Variants in NRG1 observed in about 807,000 individuals in gnomAD.
NRG1 encodes the protein neuregulin 1.
In NRG1, 18 loss-of-function variants were observed where a neutral mutation model predicts 63.8. The observed-to-expected ratio is 0.28, with a 90% confidence interval of 0.19 to 0.42. NRG1 has a LOEUF of 0.42. Ranked by LOEUF, NRG1 falls within the 10% of genes least tolerant of loss-of-function variation. NRG1 has a pLI of 1.00. For synonymous variants in NRG1, 302 were observed against 301.3 expected, an observed-to-expected ratio of 1.00 and a Z score of -0.02; for missense variants, 762 against 814.7, an observed-to-expected ratio of 0.94 and a Z score of 0.79.
intron 1 of NRG1, among the ~76,000 whole-genome samples, chr8:31,873,490 C>T (rs761406389): frequency 1.4e-4 from 22 of 152,052 alleles, no homozygotes; most frequent in Non-Finnish European, 2.9e-4. Context: ...ACCTGGGAGG[C>T]GGAGATTGCA....
intron 1 of NRG1, among the ~76,000 whole-genome samples, chr8:32,042,590 C>A (rs1820242931): frequency 6.6e-6 from 1 of 152,036 alleles, no homozygotes; most frequent in East Asian, 1.9e-4. Flanking sequence ...GATGACAGAT[C>A]TTGGAATTAC....
At chr8:31,791,681 T>G (rs1400233051) in intron 1 of NRG1, among the ~76,000 whole-genome samples, 1 of 152,180 alleles carries the variant, frequency 6.6e-6, no homozygotes, top group Non-Finnish European at 1.5e-5. Context: ...TTTCACCTGC[T>G]GCTGGATGTT....
chr8:32,647,170 C>G, intron 5 of NRG1: 1 of 985,328 alleles, frequency 1.0e-6, no homozygotes, highest in Non-Finnish European at 1.2e-6. Flanking sequence ...TGATTCAGCC[C>G]CTTTCAGCCG....
intron 1 of NRG1, among the ~76,000 whole-genome samples, chr8:32,409,819 C>T (rs1040749040): frequency 6.6e-6 from 1 of 152,158 alleles, no homozygotes. Context: ...CAGGAAAGCA[C>T]TAAGTGAGGA....
intron 1 of NRG1, among the ~76,000 whole-genome samples, chr8:31,825,068 A>T (rs1195600675): frequency 6.6e-6 from 1 of 152,240 alleles, no homozygotes; most frequent in Non-Finnish European, 1.5e-5. Context: ...CAAACTATTA[A>T]TTAAGGCATA....
At chr8:32,621,172 C>T (rs886770061) in intron 5 of NRG1, among the ~76,000 whole-genome samples, 1 of 152,020 alleles carries the variant, frequency 6.6e-6, no homozygotes, top group African/African-American at 2.4e-5. Context: ...TGGAAACTTC[C>T]ATTGTTCATT....
chr8:31,917,797 A>C (rs1242804710), intron 1 of NRG1, among the ~76,000 whole-genome samples: 1 of 152,190 alleles, frequency 6.6e-6, no homozygotes, highest in Non-Finnish European at 1.5e-5. Context: ...TACCTTGGGC[A>C]GTATGGCCAT....
chr8:32,189,317 A>G (rs978272639), intron 1 of NRG1, among the ~76,000 whole-genome samples: 1 of 152,092 alleles, frequency 6.6e-6, no homozygotes, highest in Non-Finnish European at 1.5e-5. Context: ...CCCACTTATA[A>G]GTGAGAACGT....
At chr8:31,966,292 T>C (rs898445294) in intron 1 of NRG1, among the ~76,000 whole-genome samples, 3 of 152,194 alleles carry the variant, frequency 2.0e-5, no homozygotes, top group African/African-American at 7.2e-5. Context: ...ACCACAAAGA[T>C]TCTGAGGGCC....
At chr8:32,052,271 GTTTTTTTTTTTTT>G (rs5890615) in intron 1 of NRG1, among the ~76,000 whole-genome samples, 11 of 91,408 alleles carry the variant, frequency 1.2e-4, no homozygotes, top group African/African-American at 3.9e-4. Flanking sequence ...CTTTCCTCCT[GTTTTTTTTTTTTT>G]TTTTTTTTTG....
intron 1 of NRG1, among the ~76,000 whole-genome samples, chr8:32,409,876 G>A (rs1199752298): frequency 6.6e-6 from 1 of 152,130 alleles, no homozygotes; most frequent in Non-Finnish European, 1.5e-5. Context: ...GAGATGCTCC[G>A]CAACCTTGCT....
At chr8:32,562,383 G>A (rs1444919187) in intron 1 of NRG1, among the ~76,000 whole-genome samples, 1 of 152,102 alleles carries the variant, frequency 6.6e-6, no homozygotes, top group East Asian at 1.9e-4. Flanking sequence ...AAGTAGCTGG[G>A]ACTACAGGCA....
At chr8:32,549,339 T>G (rs1833683002) in intron 1 of NRG1, among the ~76,000 whole-genome samples, 1 of 152,214 alleles carries the variant, frequency 6.6e-6, no homozygotes, top group African/African-American at 2.4e-5. Flanking sequence ...GGAAGTTAGC[T>G]TCGGCGTTTT....
chr8:32,326,210 A>G (rs1280871013), intron 1 of NRG1, among the ~76,000 whole-genome samples: 1 of 150,228 alleles, frequency 6.7e-6, no homozygotes, highest in Non-Finnish European at 1.5e-5. Flanking sequence ...GGGTTTCACC[A>G]TGTTGGTCAG....
chr8:32,695,497 G>A (rs1223853275), intron 5 of NRG1, among the ~76,000 whole-genome samples: 2 of 152,216 alleles, frequency 1.3e-5, no homozygotes, highest in African/African-American at 4.8e-5. Flanking sequence ...ACACAAATGA[G>A]TAAAATGCAA....
chr8:32,028,842 A>G (rs997413910), intron 1 of NRG1, among the ~76,000 whole-genome samples: 2 of 152,202 alleles, frequency 1.3e-5, no homozygotes, highest in African/African-American at 4.8e-5. Flanking sequence ...CTCACTTTCA[A>G]TTGATACATT....
chr8:31,968,301 C>G (rs1246897530), intron 1 of NRG1, among the ~76,000 whole-genome samples: 1 of 152,082 alleles, frequency 6.6e-6, no homozygotes, highest in Non-Finnish European at 1.5e-5. Context: ...GATTTAGCAA[C>G]CCAGAATGTC....
chr8:32,195,590 G>A (rs1842879513), intron 1 of NRG1, among the ~76,000 whole-genome samples: 1 of 152,130 alleles, frequency 6.6e-6, no homozygotes, highest in South Asian at 2.1e-4. Flanking sequence ...CACATTAGAG[G>A]CCAACAGTAT....
chr8:31,684,247 A>G (rs907220548), intron 1 of NRG1, among the ~76,000 whole-genome samples: 58 of 152,156 alleles, frequency 3.8e-4, no homozygotes, highest in African/African-American at 1.4e-3. Flanking sequence ...TCTCCAATGT[A>G]ACAGTATTAA....
Sources: allele counts gnomAD v4.1 joint callset (sites outside exome capture counted in the v4.1 genomes callset), GRCh38; gene constraint gnomAD v4.1.1; transcripts MANE v1.5; gene names NCBI Gene and HGNC (gene_info 2026-07-23, HGNC 2026-07-21).